The following MEMO1 variants were observed in gnomAD, a reference collection of about 807,000 sequenced individuals.
The protein encoded by MEMO1 is protein MEMO1.
In MEMO1, 6 loss-of-function variants were observed where a neutral mutation model predicts 45.2. The ratio of observed to expected loss-of-function variants is 0.13; its 90% CI spans 0.07 to 0.26. MEMO1 has a LOEUF of 0.26. MEMO1 is among the 10% of genes least tolerant of loss of function. The pLI, the probability that MEMO1 is intolerant of heterozygous loss-of-function variation, is 1.00. For synonymous variants in MEMO1, 78 were observed against 124.3 expected (o/e 0.63, Z 2.48); for missense variants, 184 against 370.5 (o/e 0.50, Z 4.13).
chr2:31,973,295 A>C (rs1001739658), intron 2 of MEMO1, among the ~76,000 whole-genome samples: 7 of 152,136 alleles, frequency 4.6e-5, no homozygotes, highest in Non-Finnish European at 7.4e-5. Context: ...CTCTACTAAA[A>C]ATACAAAAAT....
At chr2:31,959,306 A>G (rs1312489351) in intron 2 of MEMO1, among the ~76,000 whole-genome samples, 2 of 152,182 alleles carry the variant, frequency 1.3e-5, no homozygotes, top group Non-Finnish European at 2.9e-5. Flanking sequence ...ATGACAATAG[A>G]AATGTTAGAA....
At position 32,002,226 on chromosome 2, in the gene MEMO1, T is replaced by TGTGTATATATACATATACATATATAC. The variant is rs1558570235; in HGVS notation, c.61+7935_61+7960dup. ...ACATGTATATACGTATATACGTATA[T>TGTGTATATATACATATACATATATAC]GTGTATATATACATATACATATATA... On this transcript the variant is annotated intron_variant, in intron 2 of 9. Transcript: ENST00000404530. Among the ~76,000 whole-genome samples the TGTGTATATATACATATACATATATAC allele has an allele frequency of 2.8e-3, 413 of 146,626 alleles. 6 individuals carry two copies. The highest frequency in any genetic ancestry group is 9.9e-3 in the African/African-American group (397 of 40,028).
chr2:31,933,348 A>ATATATATATATAT (rs869203385), intron 3 of MEMO1, among the ~76,000 whole-genome samples: 3 of 16,176 alleles, frequency 1.9e-4, no homozygotes, highest in African/African-American at 4.9e-4. Context: ...AAAAAAAAAA[A>ATATATATATATAT]ATTTATATAT....
intron 4 of MEMO1, among the ~76,000 whole-genome samples, chr2:31,921,730 T>C (rs1682331675): frequency 6.6e-6 from 1 of 152,178 alleles, no homozygotes; most frequent in African/African-American, 2.4e-5. Flanking sequence ...CTGATAAAGC[T>C]ATTTCCATAT....
At chr2:32,003,923 C>T (rs932450435) in intron 2 of MEMO1, among the ~76,000 whole-genome samples, 3 of 152,110 alleles carry the variant, frequency 2.0e-5, no homozygotes, top group Admixed American at 6.5e-5. Context: ...GATGATGGCG[C>T]ACATCTGTAG....
intron 6 of MEMO1, among the ~76,000 whole-genome samples, chr2:31,907,456 G>A (rs189907293): frequency 1.4e-3 from 211 of 152,094 alleles, no homozygotes; most frequent in Admixed American, 2.9e-3. Flanking sequence ...ATCTTAAAAT[G>A]TTGACAGTAA....
chr2:31,987,156 A>G (rs1671360741), intron 2 of MEMO1, among the ~76,000 whole-genome samples: 1 of 152,082 alleles, frequency 6.6e-6, no homozygotes, highest in African/African-American at 2.4e-5. Flanking sequence ...AGTGTGTACA[A>G]TAATGCCTGG....
At chr2:32,009,288 A>G (rs928381131) in intron 2 of MEMO1, among the ~76,000 whole-genome samples, 2 of 152,154 alleles carry the variant, frequency 1.3e-5, no homozygotes, top group African/African-American at 2.4e-5. Context: ...TGCTCGGGAA[A>G]AGTGCTGATG....
Position 32,004,965 on chromosome 2 carries a change from T to G in MEMO1, c.61+5222A>C, listed in dbSNP as rs561784409. Among the ~76,000 whole-genome samples the G allele has an allele frequency of 4.7e-5, 7 of 148,856 alleles. No homozygotes were observed. The South Asian group carries it at 6.4e-4, about 14-fold the overall frequency. On this transcript the variant is annotated intron_variant, in intron 2 of 9. Coordinates refer to ENST00000404530, the MANE Select transcript of MEMO1 (RefSeq NM_001301833.4). ...AACTTACCATTTGCATAGACCATGATCTAATCACTCCACCCTAAGGCATAT... is the reference window on the plus strand; with the variant it reads ...AACTTACCATTTGCATAGACCATGAGCTAATCACTCCACCCTAAGGCATAT...
intron 2 of MEMO1, among the ~76,000 whole-genome samples, chr2:31,958,181 G>GT (rs1311227358): frequency 6.6e-6 from 1 of 151,998 alleles, no homozygotes; most frequent in Non-Finnish European, 1.5e-5. Context: ...GGAAAACTAA[G>GT]TTTGGAAATG....
intron 6 of MEMO1, among the ~76,000 whole-genome samples, chr2:31,899,781 C>G (rs1396831686): frequency 6.6e-6 from 1 of 152,150 alleles, no homozygotes. Context: ...TGCAATCTAT[C>G]CATCTGACAA....
intron 4 of MEMO1, among the ~76,000 whole-genome samples, chr2:31,929,350 G>A (rs983912267): frequency 2.0e-5 from 3 of 151,226 alleles, no homozygotes; most frequent in African/African-American, 4.9e-5. Context: ...TCCGTTCATC[G>A]CTTCCACTGG....
chr2:31,928,561 A>G lies in MEMO1; in HGVS notation c.212+3506T>C, dbSNP rs576821343. 1.3e-3 allele frequency among the ~76,000 whole-genome samples: 190 copies of G among 151,216 alleles called. 4 individuals are homozygous for G. The South Asian group carries it at 0.028, about 22-fold the overall frequency. ...GACTCCATCTCAAAAAAAAAAAAAA[A>G]AAGAAGAAGAAAAAGAAAAATCTTA... is the stretch of plus-strand genomic sequence containing the variant. On this transcript the variant is annotated intron_variant, in intron 4 of 9. Coordinates refer to ENST00000404530, the MANE Select transcript of MEMO1 (RefSeq NM_001301833.4).
chr2:31,919,733 G>T (rs1681986527), intron 5 of MEMO1, among the ~76,000 whole-genome samples: 1 of 151,990 alleles, frequency 6.6e-6, no homozygotes, highest in African/African-American at 2.4e-5. Context: ...TGGGGTAGGA[G>T]GATCACTTGA....
intron 3 of MEMO1, among the ~76,000 whole-genome samples, chr2:31,939,700 G>A (rs1572748108): frequency 1.3e-5 from 2 of 152,166 alleles, no homozygotes; most frequent in East Asian, 1.9e-4. Flanking sequence ...TCCCTCTTAG[G>A]TAAATGTCCC....
chr2:31,878,532 G>T (rs1674896003), intron 8 of MEMO1, among the ~76,000 whole-genome samples: 1 of 152,068 alleles, frequency 6.6e-6, no homozygotes, highest in South Asian at 2.1e-4. Context: ...AACAGGTCTT[G>T]GTGGGAAGAA....
At chr2:31,879,940 G>A (rs1675109176) in intron 8 of MEMO1, among the ~76,000 whole-genome samples, 1 of 152,008 alleles carries the variant, frequency 6.6e-6, no homozygotes, top group Non-Finnish European at 1.5e-5. Context: ...ATGTACACAA[G>A]GAAGCCAGAA....
intron 8 of MEMO1, among the ~76,000 whole-genome samples, chr2:31,875,688 T>C (rs1344396792): frequency 1.3e-5 from 2 of 151,954 alleles, no homozygotes; most frequent in Admixed American, 6.6e-5. Context: ...CTACTTCCTT[T>C]ATTTTTTTTC....
intron 6 of MEMO1, among the ~76,000 whole-genome samples, chr2:31,917,293 A>G (rs1681599008): frequency 6.6e-6 from 1 of 152,218 alleles, no homozygotes; most frequent in Non-Finnish European, 1.5e-5. Context: ...TGTTTCACTA[A>G]AAGAAGAAAA....
Sources: allele counts gnomAD v4.1 joint callset (sites outside exome capture counted in the v4.1 genomes callset), GRCh38; gene constraint gnomAD v4.1.1; transcripts MANE v1.5; gene names NCBI Gene and HGNC (gene_info 2026-07-23, HGNC 2026-07-21).